SIAH3: variants seen among roughly 807,000 people sequenced by gnomAD.
SIAH3 encodes seven in absentia homolog 3.
SIAH3 carries 9 observed loss-of-function variants against 12.6 expected under a neutral mutation model. The ratio of observed to expected loss-of-function variants is 0.72; its 90% CI spans 0.43 to 1.25. The LOEUF (loss-of-function observed/expected upper bound fraction) is 1.25, where lower values mean the gene tolerates loss of function less well. Among genes scored for constraint, SIAH3 ranks in the 50% most tolerant of loss-of-function variants. The pLI is 0.00. For synonymous variants in SIAH3, 154 were observed against 151.1 expected (o/e 1.02, Z -0.14); for missense variants, 390 against 365.4 (o/e 1.07, Z -0.55).
intron 1 of SIAH3, among the ~76,000 whole-genome samples, chr13:45,812,818 GCTTTGCAGAT>G (rs1184596012): frequency 2.0e-5 from 3 of 152,206 alleles, no homozygotes; most frequent in African/African-American, 7.2e-5. Flanking sequence ...GACATAAAAG[GCTTTGCAGAT>G]AAAACACACA....
chr13:45,798,689 G>A (rs892822899), intron 1 of SIAH3, among the ~76,000 whole-genome samples: 5 of 152,188 alleles, frequency 3.3e-5, no homozygotes, highest in African/African-American at 7.2e-5. Flanking sequence ...TGCTCACTTC[G>A]GCACTGGCCC....
At chr13:45,818,765 A>G (rs1232373290) in intron 1 of SIAH3, among the ~76,000 whole-genome samples, 1 of 152,222 alleles carries the variant, frequency 6.6e-6, no homozygotes. Context: ...AGATATTCTC[A>G]CCATATCTAA....
At chr13:45,838,028 T>C (rs565709841) in intron 1 of SIAH3, among the ~76,000 whole-genome samples, 2 of 152,188 alleles carry the variant, frequency 1.3e-5, no homozygotes, top group Non-Finnish European at 2.9e-5. Flanking sequence ...CCATTTGGTG[T>C]AAATTGCCTC....
intron 1 of SIAH3, among the ~76,000 whole-genome samples, chr13:45,826,470 T>A (rs1259158007): frequency 3.9e-5 from 3 of 76,320 alleles, no homozygotes; most frequent in Non-Finnish European, 7.4e-5. Context: ...AATGGATGGA[T>A]GGATGGATGG....
chr13:45,821,765 T>A (rs1227094775), intron 1 of SIAH3, among the ~76,000 whole-genome samples: 1 of 152,180 alleles, frequency 6.6e-6, no homozygotes, highest in African/African-American at 2.4e-5. Flanking sequence ...TGAAAATCAA[T>A]GAGAGTGGGG....
intron 1 of SIAH3, among the ~76,000 whole-genome samples, chr13:45,841,317 C>A (rs1242294281): frequency 2.0e-5 from 3 of 152,188 alleles, no homozygotes; most frequent in African/African-American, 7.2e-5. Flanking sequence ...CATTTGGTTT[C>A]ATCTCTATGG....
intron 1 of SIAH3, among the ~76,000 whole-genome samples, chr13:45,829,168 T>G (rs1950689704): frequency 6.6e-6 from 1 of 152,218 alleles, no homozygotes. Context: ...ATCAGTAACT[T>G]GGCTCAAGGG....
At chr13:45,843,293 G>C (rs751585748) in intron 1 of SIAH3, among the ~76,000 whole-genome samples, 5 of 152,006 alleles carry the variant, frequency 3.3e-5, no homozygotes, top group Non-Finnish European at 7.4e-5. Flanking sequence ...ACCTCACAGG[G>C]ACATGCAGTT....
At chr13:45,848,244 T>TG (rs1228957505) in intron 1 of SIAH3, among the ~76,000 whole-genome samples, 1 of 152,028 alleles carries the variant, frequency 6.6e-6, no homozygotes, top group Non-Finnish European at 1.5e-5. Flanking sequence ...TGGAAAGAAG[T>TG]GGGGGCACCA....
chr13:45,835,424 GATA>G (rs1180001843), intron 1 of SIAH3, among the ~76,000 whole-genome samples: 1 of 152,074 alleles, frequency 6.6e-6, no homozygotes, highest in Non-Finnish European at 1.5e-5. Context: ...ATCTAGTAAT[GATA>G]ATAATAACAA....
At chr13:45,808,801 T>C (rs534641593) in intron 1 of SIAH3, among the ~76,000 whole-genome samples, 1 of 152,318 alleles carries the variant, frequency 6.6e-6, no homozygotes, top group South Asian at 2.1e-4. Flanking sequence ...TGGTTAAAAT[T>C]AGGTTTCCAT....
At chr13:45,805,081 A>G (rs577592901) in intron 1 of SIAH3, among the ~76,000 whole-genome samples, 1 of 152,160 alleles carries the variant, frequency 6.6e-6, no homozygotes, top group East Asian at 1.9e-4. Context: ...ACACTGCTGA[A>G]AGAAATCATA....
At chr13:45,815,544 T>C (rs1950631584) in intron 1 of SIAH3, among the ~76,000 whole-genome samples, 2 of 152,214 alleles carry the variant, frequency 1.3e-5, no homozygotes, top group South Asian at 4.1e-4. Flanking sequence ...TGTGTGTGCA[T>C]ATGTATGTAT....
chr13:45,823,409 G>A (rs1050533477), intron 1 of SIAH3, among the ~76,000 whole-genome samples: 1 of 152,218 alleles, frequency 6.6e-6, no homozygotes, highest in Non-Finnish European at 1.5e-5. Context: ...ACCACTATAG[G>A]CAAGGCAAGT....
At chr13:45,794,715 A>C (rs555290754) in intron 1 of SIAH3, among the ~76,000 whole-genome samples, 2 of 152,274 alleles carry the variant, frequency 1.3e-5, no homozygotes, top group African/African-American at 4.8e-5. Flanking sequence ...AGGCCTCCCC[A>C]GTCATGTGAA....
At chr13:45,820,313 G>T (rs1950651163) in intron 1 of SIAH3, among the ~76,000 whole-genome samples, 1 of 152,136 alleles carries the variant, frequency 6.6e-6, no homozygotes, top group African/African-American at 2.4e-5. Context: ...AGTGAGCCAG[G>T]CTACCATGCA....
In SIAH3 at chr13:45,838,489, C is replaced by G. The variant is rs116791984; in HGVS notation, c.135+13006G>C. ...CCTCCTGCTTACAGGGAGGCTCGCA[C>G]AGGGCACGGGGGTGGCAGAGAACAG... On this transcript the variant is annotated intron_variant, in intron 1 of 1. Coordinates refer to ENST00000400405, the MANE Select transcript of SIAH3 (RefSeq NM_198849.3). 8.2e-3 allele frequency among the ~76,000 whole-genome samples: 1,251 copies of G among 152,270 alleles called. 18 individuals carry two copies. Among genetic ancestry groups the G allele is most frequent in the African/African-American group, 0.029 (1,199 of 41,548 alleles).
chr13:45,815,222 C>T (rs1481883528), intron 1 of SIAH3, among the ~76,000 whole-genome samples: 1 of 151,780 alleles, frequency 6.6e-6, no homozygotes, highest in Non-Finnish European at 1.5e-5. Flanking sequence ...TGGTCAAATG[C>T]TAGGCTAAAT....
chr13:45,833,156 A>G (rs188496074), intron 1 of SIAH3, among the ~76,000 whole-genome samples: 3 of 152,356 alleles, frequency 2.0e-5, no homozygotes, highest in Admixed American at 2.0e-4. Flanking sequence ...TCTTCTCCCC[A>G]TTATAGCACC....
Sources: allele counts gnomAD v4.1 joint callset (sites outside exome capture counted in the v4.1 genomes callset), GRCh38; gene constraint gnomAD v4.1.1; transcripts MANE v1.5; gene names NCBI Gene and HGNC (gene_info 2026-07-23, HGNC 2026-07-21).